Variants in LRRFIP1 observed in about 807,000 individuals in gnomAD.
LRRFIP1 encodes the protein leucine-rich repeat flightless-interacting protein 1.
In LRRFIP1, 62 loss-of-function variants were observed where a neutral mutation model predicts 104.4. The observed-to-expected ratio is 0.59, with a 90% confidence interval of 0.48 to 0.73. LRRFIP1 has a LOEUF of 0.73. Ranked by LOEUF, LRRFIP1 falls within the 30% of genes least tolerant of loss-of-function variation. The pLI, the probability that LRRFIP1 is intolerant of heterozygous loss-of-function variation, is 0.00. For missense variants in LRRFIP1, 796 were observed against 824.5 expected (o/e 0.97, Z 0.42); for synonymous variants, 300 against 299.0 (o/e 1.00, Z -0.03).
At position 237,661,074 on chromosome 2, in the gene LRRFIP1, T is replaced by A. The variant is rs2087837592; in HGVS notation, c.96+33334T>A. ...AGAAACTAACATGCCATCTCTGCTCTCCCACCGCTTCCTGGGTTGGGCTGC... is the reference window on the plus strand; with the variant it reads ...AGAAACTAACATGCCATCTCTGCTCACCCACCGCTTCCTGGGTTGGGCTGC... On this transcript the variant is annotated intron_variant, in intron 1 of 23. Coordinates refer to ENST00000308482, the MANE Select transcript of LRRFIP1 (RefSeq NM_001137550.2). This position sits in a 1 kb window ranked among gnomAD's most constrained non-coding sequence, Gnocchi z 4.4. 6.6e-6 allele frequency among the ~76,000 whole-genome samples: 1 copy of A among 152,028 alleles called. No homozygotes were observed. Among genetic ancestry groups the A allele is most frequent in the Non-Finnish European group, 1.5e-5 (1 of 68,008 alleles).
chr2:237,627,929 T>C (rs1457133457), intron 1 of LRRFIP1, among the ~76,000 whole-genome samples, 189 bp downstream of exon 1: 2 of 150,698 alleles, frequency 1.3e-5, no homozygotes, highest in East Asian at 3.9e-4. Context: ...GGCCCCGATC[T>C]CCGAGGCCTG....
rs774049322 is a variant in LRRFIP1 at position 237,753,460 on chromosome 2, A to G, written c.1019A>G (p.Gln340Arg). ...LEEQLAESRR[Q>R]YEEKNKEFER... ...GAACAGCTGGCTGAATCTAGGCGGC[A>G]GTACGAAGAGAAAAACAAAGTAAGC... Residue 340 changes from glutamine (Q) to arginine (R), a missense_variant, in exon 15 of 24, where the codon CAG becomes CGG. Transcript: ENST00000308482. 7 of 1,588,222 alleles carry G rather than the reference A, an allele frequency of 4.4e-6. No homozygotes were observed. The Admixed American group carries it at 1.4e-4, about 32-fold the overall frequency.
At chr2:237,750,198 G>A (rs985614245) in intron 13 of LRRFIP1, among the ~76,000 whole-genome samples, 4 of 152,068 alleles carry the variant, frequency 2.6e-5, no homozygotes, top group Non-Finnish European at 4.4e-5. Context: ...CCTTGAAGAT[G>A]CTTCCAACAC....
At chr2:237,768,419 A>AT (rs1200256713) in intron 19 of LRRFIP1, 1 of 152,252 alleles carries the variant, frequency 6.6e-6, no homozygotes, top group African/African-American at 2.4e-5. Context: ...TGTACAATAG[A>AT]TACTTGAGCT....
chr2:237,722,553 G>A (rs768938278), intron 6 of LRRFIP1, among the ~76,000 whole-genome samples: 1 of 152,158 alleles, frequency 6.6e-6, no homozygotes, highest in Non-Finnish European at 1.5e-5. Flanking sequence ...TTTGTTTTAA[G>A]AGCTGAAATT....
At chr2:237,666,067 T>G (rs929995323) in intron 1 of LRRFIP1, among the ~76,000 whole-genome samples, 1 of 152,230 alleles carries the variant, frequency 6.6e-6, no homozygotes, top group Non-Finnish European at 1.5e-5. Flanking sequence ...CACCACCGAT[T>G]GTCCACATGA....
At position 237,708,528 on chromosome 2, in the gene LRRFIP1, G is replaced by T; in HGVS notation, c.97-16G>T. 1.3e-6 allele frequency: 2 copies of T among 1,553,784 alleles called. No homozygotes were observed. Among genetic ancestry groups the T allele is most frequent in the Non-Finnish European group, 1.7e-6 (2 of 1,146,118 alleles). ...CCGCTGCTCTGTCCTCTAATAAGATGCCCTGTCCGTTTCAGGCGGAAGCCC... is the reference window on the plus strand; with the variant it reads ...CCGCTGCTCTGTCCTCTAATAAGATTCCCTGTCCGTTTCAGGCGGAAGCCC... On this transcript the variant is annotated splice_polypyrimidine_tract_variant and intron_variant, in intron 1 of 23. Transcript: ENST00000308482.
intron 23 of LRRFIP1, among the ~76,000 whole-genome samples, chr2:237,776,279 CT>C (rs2061088887): frequency 1.3e-5 from 2 of 152,334 alleles, no homozygotes; most frequent in South Asian, 2.1e-4. Flanking sequence ...TTCTAGCCTA[CT>C]TTTGCTATGG....
rs766044631 is a variant in LRRFIP1, at chr2:237,774,445, C to T, written c.1795C>T (p.Arg599Trp). 10 of 1,612,190 alleles carry T rather than the reference C, an allele frequency of 6.2e-6. No homozygotes were observed. Among genetic ancestry groups the T allele is most frequent in the Admixed American group, 1.7e-5 (1 of 59,890 alleles). Residue 599 changes from arginine (R) to tryptophan (W), a missense_variant, in exon 23 of 24, where the codon CGG becomes TGG. By Grantham distance (101) the Arg-to-Trp change is moderately radical. Coordinates refer to ENST00000308482, the MANE Select transcript of LRRFIP1 (RefSeq NM_001137550.2). ...AGAAGATGAACTTAAGGCAGAAAAA[C>T]GGAAACTCCAAAGAGAGGTAAATTT... ...KIEDELKAEKRKLQRELRSAL... is the reference protein window; with the variant it reads ...KIEDELKAEKWKLQRELRSAL...
intron 13 of LRRFIP1, among the ~76,000 whole-genome samples, chr2:237,750,485 C>T (rs1394541771): frequency 2.6e-5 from 4 of 151,798 alleles, no homozygotes; most frequent in East Asian, 1.9e-4. Flanking sequence ...TACAGGCGCC[C>T]GCCACCATGC....
chr2:237,751,967 A>G (rs2058679053), intron 14 of LRRFIP1, among the ~76,000 whole-genome samples: 1 of 152,202 alleles, frequency 6.6e-6, no homozygotes, highest in African/African-American at 2.4e-5. Flanking sequence ...AGCCCCCTAG[A>G]AAGTACCTGC....
At chr2:237,761,599 G>A (rs768878897) in intron 19 of LRRFIP1, among the ~76,000 whole-genome samples, 1 of 152,144 alleles carries the variant, frequency 6.6e-6, no homozygotes, top group Non-Finnish European at 1.5e-5. Flanking sequence ...AGAATTGTAG[G>A]ATCCAATATG....
chr2:237,722,731 GT>G (rs2094576447), intron 6 of LRRFIP1, among the ~76,000 whole-genome samples: 1 of 152,112 alleles, frequency 6.6e-6, no homozygotes, highest in Non-Finnish European at 1.5e-5. Flanking sequence ...ACCTCCTAAT[GT>G]TTATAGGCAC....
chr2:237,733,095 G>A (rs2095084461), intron 8 of LRRFIP1, among the ~76,000 whole-genome samples: 2 of 152,220 alleles, frequency 1.3e-5, no homozygotes, highest in Admixed American at 6.5e-5. Flanking sequence ...GACTTGCTCA[G>A]TGTGCCCTGG....
intron 1 of LRRFIP1, among the ~76,000 whole-genome samples, chr2:237,679,330 C>A (rs1260686397): frequency 6.6e-6 from 1 of 152,200 alleles, no homozygotes; most frequent in African/African-American, 2.4e-5. Context: ...CACTAACTCA[C>A]AAAGCTACTG....
intron 3 of LRRFIP1, among the ~76,000 whole-genome samples, chr2:237,714,884 A>G (rs1295419811): frequency 6.6e-6 from 1 of 152,276 alleles, no homozygotes; most frequent in East Asian, 1.9e-4. Context: ...TTCAAGATCT[A>G]GCAAAAATGA....
chr2:237,770,986 C>T (rs537274119), intron 20 of LRRFIP1, among the ~76,000 whole-genome samples: 7 of 152,280 alleles, frequency 4.6e-5, no homozygotes, highest in African/African-American at 1.4e-4. Context: ...GGAAGATTCT[C>T]TTGAAGTTCC....
At chr2:237,750,326 C>CTTTTTTTTTTTTTTTTTTTTTTTTTT (rs928510240) in intron 13 of LRRFIP1, among the ~76,000 whole-genome samples, 4 of 60,700 alleles carry the variant, frequency 6.6e-5, no homozygotes, top group Admixed American at 2.1e-4. Flanking sequence ...TTCTTTCTTT[C>CTTTTTTTTTTTTTTTTTTTTTTTTTT]TTTTTTTTTT....
At chr2:237,690,504 A>C (rs2092684573) in intron 1 of LRRFIP1, among the ~76,000 whole-genome samples, 1 of 152,164 alleles carries the variant, frequency 6.6e-6, no homozygotes, top group South Asian at 2.1e-4. Flanking sequence ...TCGGAGGCCA[A>C]GGCAGGCAGA....
Sources: allele counts gnomAD v4.1 joint callset (sites outside exome capture counted in the v4.1 genomes callset), GRCh38; gene constraint gnomAD v4.1.1; non-coding constraint Gnocchi (gnomAD v3.1); transcripts MANE v1.5; gene names NCBI Gene and HGNC (gene_info 2026-07-23, HGNC 2026-07-21).